Variants in ACTR3C observed in about 807,000 individuals in gnomAD.
The protein encoded by ACTR3C is actin related protein 3C.
Under a neutral mutation model 26.3 loss-of-function variants are expected in ACTR3C, and 18 were observed. That is an observed-to-expected ratio of 0.68 (90% CI 0.47 to 1.01). The LOEUF (loss-of-function observed/expected upper bound fraction) is 1.01, where lower values mean the gene tolerates loss of function less well. Among genes scored for constraint, ACTR3C ranks in the 50% least tolerant of loss-of-function variants. The probability of loss-of-function intolerance (pLI) is 0.00; values close to 1 mark genes in which losing one functional copy is unlikely to be tolerated. For synonymous variants in ACTR3C, 55 were observed against 94.5 expected, an observed-to-expected ratio of 0.58 and a Z score of 2.42; for missense variants, 184 against 250.7, an observed-to-expected ratio of 0.73 and a Z score of 1.80.
chr7:150,256,330 T>G (rs1030103734), intron 6 of ACTR3C, among the ~76,000 whole-genome samples: 6 of 152,248 alleles, frequency 3.9e-5, no homozygotes, highest in African/African-American at 1.4e-4. Flanking sequence ...CTGTTTTAAG[T>G]TCTTTGAGAA....
chr7:149,904,284 C>T, the ACTR3C span, among the ~76,000 whole-genome samples: 3 of 150,366 alleles, frequency 2.0e-5, no homozygotes, highest in African/African-American at 7.3e-5. Flanking sequence ...GTAATCCCAG[C>T]ACGCTGGGGA....
chr7:150,196,837 C>A, the ACTR3C span, among the ~76,000 whole-genome samples: 1 of 152,098 alleles, frequency 6.6e-6, no homozygotes, highest in African/African-American at 2.4e-5. Flanking sequence ...GGATATTCTT[C>A]TTTGTTCTTA....
intron 1 of ACTR3C, among the ~76,000 whole-genome samples, chr7:150,305,391 T>C (rs1795733746): frequency 6.6e-6 from 1 of 151,968 alleles, no homozygotes. Context: ...CAAGACTCTG[T>C]GTGCCATAGG....
At chr7:150,053,695 C>G in the ACTR3C span, among the ~76,000 whole-genome samples, 12 of 152,354 alleles carry the variant, frequency 7.9e-5, no homozygotes, top group East Asian at 1.2e-3. Flanking sequence ...CTTTTCCTGA[C>G]AGCAAAACAA....
chr7:150,028,705 C>T, the ACTR3C span, among the ~76,000 whole-genome samples: 1 of 152,206 alleles, frequency 6.6e-6, no homozygotes, highest in Admixed American at 6.5e-5. Flanking sequence ...CACACTCATC[C>T]CCCTGTGCTA....
the ACTR3C span, among the ~76,000 whole-genome samples, chr7:150,134,037 G>A: frequency 1.3e-5 from 2 of 151,986 alleles, no homozygotes; most frequent in Non-Finnish European, 2.9e-5. Flanking sequence ...CACCAAGCCT[G>A]GCCAAGAGAT....
chr7:150,011,521 G>A, the ACTR3C span, among the ~76,000 whole-genome samples: 1 of 152,188 alleles, frequency 6.6e-6, no homozygotes, highest in Non-Finnish European at 1.5e-5. Context: ...GAAGGCAGAG[G>A]TTGCAGTGAG....
chr7:150,032,224 G>T, the ACTR3C span, among the ~76,000 whole-genome samples: 1 of 152,236 alleles, frequency 6.6e-6, no homozygotes, highest in Non-Finnish European at 1.5e-5. Flanking sequence ...CATTTAGGGA[G>T]TTGAGACAGG....
downstream of ACTR3C, among the ~76,000 whole-genome samples, chr7:150,239,431 G>A (rs1182432514): frequency 2.9e-5 from 4 of 138,968 alleles, no homozygotes; most frequent in African/African-American, 5.9e-5. Flanking sequence ...TTTAGAGCCT[G>A]TTTCTCTGAA....
At chr7:150,115,846 G>A in the ACTR3C span, among the ~76,000 whole-genome samples, 1 of 152,082 alleles carries the variant, frequency 6.6e-6, no homozygotes, top group Non-Finnish European at 1.5e-5. Flanking sequence ...TCTAGCTTGG[G>A]GAATGAAGAC....
the ACTR3C span, chr7:150,047,742 C>G: frequency 6.9e-7 from 1 of 1,456,456 alleles, no homozygotes; most frequent in South Asian, 1.2e-5. Flanking sequence ...GGCTCCTGCG[C>G]CGCCGTCCTC....
At chr7:150,041,896 G>T in the ACTR3C span, among the ~76,000 whole-genome samples, 1 of 132,142 alleles carries the variant, frequency 7.6e-6, no homozygotes, top group Non-Finnish European at 1.7e-5. Context: ...TCCTGCGATG[G>T]GGGTCCTCAG....
intron 4 of ACTR3C, among the ~76,000 whole-genome samples, chr7:150,288,982 A>G (rs1836000237): frequency 6.6e-6 from 1 of 151,520 alleles, no homozygotes; most frequent in African/African-American, 2.4e-5. Context: ...AAGCTCTGCT[A>G]CACTCAGTAA....
chr7:150,082,921 CTTTCTTTTT>C, the ACTR3C span, among the ~76,000 whole-genome samples: 7 of 126,702 alleles, frequency 5.5e-5, no homozygotes, highest in African/African-American at 2.1e-4. Flanking sequence ...CTAATTCTTT[CTTTCTTTTT>C]TTTCTTTTTT....
At chr7:150,169,388 GAAAAAA>G in the ACTR3C span, among the ~76,000 whole-genome samples, 23 of 120,140 alleles carry the variant, frequency 1.9e-4, 1 homozygote, top group East Asian at 7.0e-4. Flanking sequence ...ATTTCAAAAG[GAAAAAA>G]AAAAAAAAAA....
the ACTR3C span, among the ~76,000 whole-genome samples, chr7:150,206,403 T>G: frequency 6.6e-6 from 1 of 151,410 alleles, no homozygotes; most frequent in Non-Finnish European, 1.5e-5. Context: ...GTGGGTGGGG[T>G]TTTTTTTATT....
the ACTR3C span, among the ~76,000 whole-genome samples, chr7:150,138,559 T>C: frequency 1.3e-5 from 2 of 152,264 alleles, no homozygotes; most frequent in Non-Finnish European, 2.9e-5. Context: ...TAAAGTCTTC[T>C]GGAGAAGCAT....
At chr7:150,303,303 C>G (rs897615840) in intron 1 of ACTR3C, among the ~76,000 whole-genome samples, 8 of 152,172 alleles carry the variant, frequency 5.3e-5, no homozygotes, top group African/African-American at 1.7e-4. Context: ...GTGCAGTAAT[C>G]AACTTGTGAT....
the ACTR3C span, among the ~76,000 whole-genome samples, chr7:150,146,027 T>C: frequency 6.6e-6 from 1 of 152,112 alleles, no homozygotes; most frequent in African/African-American, 2.4e-5. Flanking sequence ...ATTCCACGTC[T>C]ATAGTTGCTT....
Sources: allele counts gnomAD v4.1 joint callset (sites outside exome capture counted in the v4.1 genomes callset), GRCh38; gene constraint gnomAD v4.1.1; transcripts MANE v1.5; gene names NCBI Gene and HGNC (gene_info 2026-07-23, HGNC 2026-07-21).